FGF12: variants seen among roughly 807,000 people sequenced by gnomAD.
FGF12 encodes fibroblast growth factor 12B.
In FGF12, 14 loss-of-function variants were observed where a neutral mutation model predicts 23.6. The observed-to-expected ratio is 0.59, with a 90% CI of 0.39 to 0.93. The LOEUF (loss-of-function observed/expected upper bound fraction) is 0.93, where lower values mean the gene tolerates loss of function less well. Ranked by LOEUF, FGF12 falls within the 40% of genes least tolerant of loss-of-function variation. The probability of loss-of-function intolerance (pLI) is 0.00; values close to 1 mark genes in which losing one functional copy is unlikely to be tolerated. For missense variants in FGF12, 175 were observed against 217.8 expected, an observed-to-expected ratio of 0.80 and a Z score of 1.24; for synonymous variants, 62 against 77.3, an observed-to-expected ratio of 0.80 and a Z score of 1.04.
chr3:192,694,260 G>A lies in FGF12; in HGVS notation c.13+32921C>T, dbSNP rs552011819. On this transcript the variant is annotated intron_variant, in intron 2 of 5. Coordinates refer to ENST00000445105, the MANE Select transcript of FGF12 (RefSeq NM_004113.6). Reference sequence around the variant, plus strand: ...AGACATAAAAAATGTTGGCAAGGGTGGTGAGAAAGGAGAACAGTTATACGT... The same window carrying A: ...AGACATAAAAAATGTTGGCAAGGGTAGTGAGAAAGGAGAACAGTTATACGT... 7.2e-5 allele frequency among the ~76,000 whole-genome samples: 11 copies of A among 152,242 alleles called. No individual in the cohort carries two copies. The South Asian group carries it at 2.3e-3, about 32-fold the overall frequency.
At chr3:192,214,057 T>C (rs1177787351) in intron 4 of FGF12, among the ~76,000 whole-genome samples, 1 of 152,214 alleles carries the variant, frequency 6.6e-6, no homozygotes. Context: ...TAACGCTCGT[T>C]ACTAGAATGC....
At chr3:192,662,938 C>A (rs1716726502) in intron 2 of FGF12, among the ~76,000 whole-genome samples, 1 of 152,324 alleles carries the variant, frequency 6.6e-6, no homozygotes, top group South Asian at 2.1e-4. Context: ...CCTCTGGATT[C>A]TTCTACCAAA....
intron 2 of FGF12, among the ~76,000 whole-genome samples, chr3:192,667,563 T>C (rs1716933728): frequency 7.4e-6 from 1 of 135,400 alleles, no homozygotes; most frequent in Non-Finnish European, 1.5e-5. Context: ...TGAGCCGAGA[T>C]CGCTGCCACT....
At chr3:192,174,378 C>A (rs1242261585) in intron 4 of FGF12, among the ~76,000 whole-genome samples, 1 of 151,258 alleles carries the variant, frequency 6.6e-6, no homozygotes, top group Non-Finnish European at 1.5e-5. Context: ...GCATCCAGGT[C>A]CTAATCAGCA....
At chr3:192,501,258 A>C (rs1394296381) in intron 2 of FGF12, among the ~76,000 whole-genome samples, 1 of 152,196 alleles carries the variant, frequency 6.6e-6, no homozygotes, top group Non-Finnish European at 1.5e-5. Context: ...AATAATTTTA[A>C]TTGTATCACT....
At chr3:192,535,811 T>A (rs902972362) in intron 2 of FGF12, among the ~76,000 whole-genome samples, 2 of 152,204 alleles carry the variant, frequency 1.3e-5, no homozygotes, top group Admixed American at 6.5e-5. Flanking sequence ...TTTAGCTGTA[T>A]CTGAGATACA....
At chr3:192,444,352 C>G (rs932810074) in intron 2 of FGF12, among the ~76,000 whole-genome samples, 6 of 152,170 alleles carry the variant, frequency 3.9e-5, no homozygotes, top group Admixed American at 3.9e-4. Flanking sequence ...ATTTCCCATT[C>G]AGTAGGTTTA....
intron 4 of FGF12, among the ~76,000 whole-genome samples, chr3:192,211,457 C>T (rs747465119): frequency 5.3e-5 from 8 of 151,962 alleles, no homozygotes; most frequent in Non-Finnish European, 1.0e-4. Flanking sequence ...CGGACCCTCG[C>T]TCTTGTGGCC....
rs760552008 is a variant in FGF12 at position 192,407,723 on chromosome 3, T to TG, written c.14-47186_14-47185insC. On this transcript the variant is annotated intron_variant, in intron 2 of 5. Transcript: ENST00000445105. ...AGAGAGAAGAGATGAATGAATGAAT[T>TG]AATGAATGAAGTGGTCACTCCCCTC... is the stretch of plus-strand genomic sequence containing the variant. 0.066 allele frequency among the ~76,000 whole-genome samples: 9,701 copies of TG among 147,580 alleles called. 998 individuals are homozygous for TG. The highest frequency in any genetic ancestry group is 0.23 in the African/African-American group (8,881 of 38,304).
intron 2 of FGF12, among the ~76,000 whole-genome samples, chr3:192,370,781 C>T (rs1172106760): frequency 6.6e-6 from 1 of 152,170 alleles, no homozygotes; most frequent in Non-Finnish European, 1.5e-5. Flanking sequence ...AAAAAGCTGT[C>T]AGCCAGAGGA....
intron 2 of FGF12, among the ~76,000 whole-genome samples, chr3:192,429,032 T>A (rs1046451990): frequency 6.6e-6 from 1 of 152,088 alleles, no homozygotes; most frequent in Non-Finnish European, 1.5e-5. Flanking sequence ...CTCAATTAGA[T>A]CATGAATTTA....
intron 4 of FGF12, among the ~76,000 whole-genome samples, chr3:192,239,113 G>A (rs1719460419): frequency 1.3e-5 from 2 of 152,188 alleles, no homozygotes; most frequent in Admixed American, 6.5e-5. Context: ...TGTGTAACAT[G>A]TAGAAGTGTA....
At chr3:192,330,873 A>G (rs756545324) in intron 4 of FGF12, among the ~76,000 whole-genome samples, 5 of 152,300 alleles carry the variant, frequency 3.3e-5, no homozygotes, top group Admixed American at 1.3e-4. Context: ...ATGCAACTTT[A>G]AAAATTCTAT....
intron 2 of FGF12, among the ~76,000 whole-genome samples, chr3:192,539,853 T>C (rs559710358): frequency 5.9e-5 from 9 of 152,126 alleles, no homozygotes; most frequent in South Asian, 2.1e-4. Context: ...CAGTTTTGGA[T>C]TTTTTTTCAT....
intron 2 of FGF12, among the ~76,000 whole-genome samples, chr3:192,415,730 TCTCA>T (rs1360180682): frequency 2.5e-4 from 15 of 60,290 alleles, no homozygotes; most frequent in African/African-American, 7.4e-4. Flanking sequence ...TCTCTCTCTC[TCTCA>T]CACACACACA....
intron 2 of FGF12, among the ~76,000 whole-genome samples, chr3:192,479,957 G>A (rs1224710252): frequency 1.3e-5 from 2 of 151,906 alleles, no homozygotes; most frequent in Non-Finnish European, 2.9e-5. Context: ...GGGCCAGCCT[G>A]GGTTTGAAAG....
At chr3:192,183,304 T>C (rs1403162646) in intron 4 of FGF12, among the ~76,000 whole-genome samples, 1 of 152,062 alleles carries the variant, frequency 6.6e-6, no homozygotes. Flanking sequence ...ATCTCACAGG[T>C]GTTTTCTGCT....
At chr3:192,588,350 AAAAAAAAAAAAAAAAAAG>A (rs1224982667) in intron 2 of FGF12, among the ~76,000 whole-genome samples, 1 of 43,800 alleles carries the variant, frequency 2.3e-5, no homozygotes, top group African/African-American at 7.7e-5. Context: ...AATCCGTCTC[AAAAAAAAAAAAAAAAAAG>A]AAAAAAAGAA....
At chr3:192,290,297 G>A (rs963604303) in intron 4 of FGF12, among the ~76,000 whole-genome samples, 5 of 152,078 alleles carry the variant, frequency 3.3e-5, no homozygotes, top group Non-Finnish European at 5.9e-5. Context: ...TACCTCATAA[G>A]TGTGTGCAAT....
Sources: gnomAD v4.1 joint callset for allele counts (sites outside exome capture counted in the v4.1 genomes callset) on GRCh38, gnomAD v4.1.1 for gene constraint, MANE v1.5 for transcripts, NCBI Gene and HGNC (gene_info 2026-07-23, HGNC 2026-07-21) for gene names.